Variants in RAPGEF6 observed in about 807,000 individuals in gnomAD.
The protein encoded by RAPGEF6 is Rap guanine nucleotide exchange factor 6, also known as PDZ domain containing guanine nucleotide exchange factor (GEF) 2.
RAPGEF6 carries 56 observed loss-of-function variants against 171.4 expected under a neutral mutation model. The ratio of observed to expected loss-of-function variants is 0.33; its 90% CI spans 0.26 to 0.41. The LOEUF (loss-of-function observed/expected upper bound fraction) is 0.41. Ranked by LOEUF, RAPGEF6 falls within the 10% of genes least tolerant of loss-of-function variation. RAPGEF6 has a pLI of 1.00. For missense variants in RAPGEF6, 1,674 were observed against 1,921.4 expected (o/e 0.87, Z 2.41); for synonymous variants, 692 against 650.1 (o/e 1.06, Z -0.98).
intron 15 of RAPGEF6, among the ~76,000 whole-genome samples, chr5:131,483,659 CA>C (rs1413590712): frequency 5.3e-5 from 8 of 152,050 alleles, no homozygotes; most frequent in African/African-American, 1.9e-4. Context: ...ACACACGAAA[CA>C]AAAGTCAAAA....
chr5:131,545,768 C>T (rs1760483652), intron 6 of RAPGEF6, among the ~76,000 whole-genome samples: 1 of 152,136 alleles, frequency 6.6e-6, no homozygotes. Flanking sequence ...AGCACATGTA[C>T]CTAACATGAC....
chr5:131,478,130 CAG>C (rs1755234253), intron 16 of RAPGEF6, among the ~76,000 whole-genome samples: 1 of 152,128 alleles, frequency 6.6e-6, no homozygotes, highest in South Asian at 2.1e-4. Context: ...AGAAAAAACT[CAG>C]GGTATTTTAA....
At position 131,479,641 on chromosome 5, in the gene RAPGEF6, A is replaced by G. The variant is rs369881827; in HGVS notation, c.1953T>C (p.Asp651=). The G allele has an allele frequency of 6.2e-7, 1 of 1,613,876 alleles. No individual in the cohort carries two copies. The highest frequency in any genetic ancestry group is 1.7e-5 in the Admixed American group (1 of 59,986). Residue 651 remains aspartate (D), a synonymous_variant, in exon 16 of 28, where the codon GAT becomes GAC. Coordinates refer to ENST00000509018, the MANE Select transcript of RAPGEF6 (RefSeq NM_016340.6). ...NRHSIQHVPG[D]IEQTSQEKGS... ...CTTTCTCCTGTGATGTCTGTTCAAT[A>G]TCTCCTGGCACATGCTGGATAGAAT...
chr5:131,622,531 T>C (rs956189319), intron 1 of RAPGEF6, among the ~76,000 whole-genome samples: 2 of 152,262 alleles, frequency 1.3e-5, no homozygotes, highest in African/African-American at 2.4e-5. Context: ...TGGCATGTAA[T>C]GCCAAACATG....
intron 17 of RAPGEF6, among the ~76,000 whole-genome samples, chr5:131,464,978 CA>C (rs1222116414): frequency 6.6e-6 from 1 of 151,884 alleles, no homozygotes; most frequent in Non-Finnish European, 1.5e-5. Flanking sequence ...TTCCTCCCTC[CA>C]AAAAAATATC....
At chr5:131,463,830 G>C (rs1754124429) in intron 18 of RAPGEF6, 2 of 1,220,334 alleles carry the variant, frequency 1.6e-6, no homozygotes, top group Admixed American at 7.7e-5. Context: ...GTATCATTCA[G>C]CTTCCTCTAT....
intron 19 of RAPGEF6, among the ~76,000 whole-genome samples, chr5:131,459,124 G>A (rs1027591422): frequency 6.6e-6 from 1 of 152,074 alleles, no homozygotes; most frequent in Non-Finnish European, 1.5e-5. Flanking sequence ...AACAGTAAAT[G>A]AATAGACAAA....
At position 131,429,108 on chromosome 5, in the gene RAPGEF6, G is replaced by GT. The variant is rs763698820; in HGVS notation, c.4573dup (p.Thr1525AsnfsTer9). 6.2e-7 allele frequency: 1 copy of GT among 1,614,170 alleles called. No individual in the cohort carries two copies. Among genetic ancestry groups the GT allele is most frequent in the Non-Finnish European group, 8.5e-7 (1 of 1,180,024 alleles). ...ACTATAATCTGGAGGTTTTAGGTGT[G>GT]TGTGGGGTCCTTCCTTTAGGTCCGC... On this transcript the variant is annotated frameshift_variant, in exon 27 of 28. Transcript: ENST00000509018. LOFTEE classifies it high-confidence loss of function.
intron 3 of RAPGEF6, among the ~76,000 whole-genome samples, chr5:131,601,385 CAAAAAAAAA>C: frequency 1.8e-5 from 1 of 54,306 alleles, no homozygotes; most frequent in East Asian, 5.3e-4. Context: ...GACTCCGTCT[CAAAAAAAAA>C]AAAAAAAAAG....
intron 17 of RAPGEF6, among the ~76,000 whole-genome samples, chr5:131,465,825 T>G (rs1306768027): frequency 6.6e-6 from 1 of 152,046 alleles, no homozygotes; most frequent in Admixed American, 6.6e-5. Context: ...TACTGTGGCT[T>G]TTTTGTATGT....
rs1761373179 is a variant in RAPGEF6 at position 131,558,338 on chromosome 5, CT to C, written c.351+3639del. Among the ~76,000 whole-genome samples, 5 of 151,816 alleles carry C rather than the reference CT, an allele frequency of 3.3e-5. No individual in the cohort carries two copies. In the South Asian group the frequency reaches 1.0e-3, roughly 32 times the overall value. ...GTTTGCTAGATCGTAGTAGTGAATC[CT>C]TTTTCCTTCCTGATACTGATTGTAT... is the stretch of plus-strand genomic sequence containing the variant. On this transcript the variant is annotated intron_variant, in intron 5 of 27. Transcript: ENST00000509018.
At chr5:131,618,740 T>C (rs943651834) in intron 1 of RAPGEF6, among the ~76,000 whole-genome samples, 3 of 152,320 alleles carry the variant, frequency 2.0e-5, no homozygotes, top group African/African-American at 7.2e-5. Flanking sequence ...AAAACCACTG[T>C]TGGAGAACAC....
intron 20 of RAPGEF6, among the ~76,000 whole-genome samples, chr5:131,453,826 C>CA (rs1242953216): frequency 1.3e-5 from 2 of 152,110 alleles, no homozygotes; most frequent in African/African-American, 4.8e-5. Context: ...AAGCTGGAAA[C>CA]AAAGTAATCA....
chr5:131,488,630 A>G (rs998770896), intron 15 of RAPGEF6, among the ~76,000 whole-genome samples: 3 of 152,214 alleles, frequency 2.0e-5, no homozygotes, highest in African/African-American at 7.2e-5. Flanking sequence ...AGGGACTCAA[A>G]AAGAGGAAAA....
At chr5:131,630,734 C>T (rs773547570) in intron 1 of RAPGEF6, among the ~76,000 whole-genome samples, 1 of 152,106 alleles carries the variant, frequency 6.6e-6, no homozygotes, top group South Asian at 2.1e-4. Context: ...ATAGTTTCAC[C>T]TAAGGACGAC....
At chr5:131,482,121 A>T (rs576817388) in intron 15 of RAPGEF6, among the ~76,000 whole-genome samples, 1 of 152,228 alleles carries the variant, frequency 6.6e-6, no homozygotes, top group African/African-American at 2.4e-5. Flanking sequence ...ACCAAAGCAC[A>T]GCGCAAGTTT....
intron 4 of RAPGEF6, among the ~76,000 whole-genome samples, chr5:131,584,680 T>G (rs1489390332): frequency 6.6e-6 from 1 of 152,190 alleles, no homozygotes; most frequent in African/African-American, 2.4e-5. Context: ...TTTTTAGCAT[T>G]TCTGATGATT....
chr5:131,514,012 TG>T (rs1757914584), intron 7 of RAPGEF6, among the ~76,000 whole-genome samples: 1 of 152,030 alleles, frequency 6.6e-6, no homozygotes, highest in Admixed American at 6.6e-5. Flanking sequence ...TGGGTGACAG[TG>T]TGAGAACGTG....
At chr5:131,530,250 C>A (rs1314814051) in intron 6 of RAPGEF6, among the ~76,000 whole-genome samples, 1 of 150,950 alleles carries the variant, frequency 6.6e-6, no homozygotes, top group Non-Finnish European at 1.5e-5. Flanking sequence ...ACACTGGAGG[C>A]CAGAAGACAG....
Sources: gnomAD v4.1 joint callset for allele counts (sites outside exome capture counted in the v4.1 genomes callset) on GRCh38, gnomAD v4.1.1 for gene constraint, MANE v1.5 for transcripts, NCBI Gene and HGNC (gene_info 2026-07-23, HGNC 2026-07-21) for gene names.